Variants in MARCHF6 observed in about 807,000 individuals in gnomAD.
MARCHF6 encodes membrane associated ring-CH-type finger 6.
Under a neutral mutation model 133.7 loss-of-function variants are expected in MARCHF6, and 31 were observed. The observed-to-expected ratio is 0.23, with a 90% confidence interval of 0.17 to 0.31. MARCHF6 has a LOEUF of 0.31. Ranked by LOEUF, MARCHF6 falls within the 10% of genes least tolerant of loss-of-function variation. The pLI is 1.00. For missense variants in MARCHF6, 723 were observed against 1,121.6 expected (o/e 0.64, Z 5.08); for synonymous variants, 395 against 402.5 (o/e 0.98, Z 0.22).
intron 22 of MARCHF6, among the ~76,000 whole-genome samples, chr5:10,418,260 G>T (rs1397657776): frequency 6.6e-6 from 1 of 151,808 alleles, no homozygotes; most frequent in Non-Finnish European, 1.5e-5. Flanking sequence ...TGGGCATGTG[G>T]TCCCAGCTAC....
At chr5:10,423,155 T>G (rs557456439) in intron 22 of MARCHF6, among the ~76,000 whole-genome samples, 20 of 151,904 alleles carry the variant, frequency 1.3e-4, no homozygotes, top group Non-Finnish European at 2.5e-4. Context: ...AAAGAGATAC[T>G]TGGTGGTGGT....
chr5:10,360,107 A>G (rs751031088), intron 1 of MARCHF6, among the ~76,000 whole-genome samples: 1 of 146,868 alleles, frequency 6.8e-6, no homozygotes, highest in Non-Finnish European at 1.5e-5. Context: ...GTTTTCCATT[A>G]GTAGTTTTTC....
At chr5:10,433,531 CAT>C in intron 25 of MARCHF6, 61 bp from the exon 26 acceptor site, 1 of 1,228,160 alleles carries the variant, frequency 8.1e-7, no homozygotes, top group Non-Finnish European at 1.2e-6. Context: ...TTTAAAAAGA[CAT>C]ATGAATGTTT....
intron 1 of MARCHF6, among the ~76,000 whole-genome samples, chr5:10,375,248 C>T (rs535529682): frequency 7.2e-5 from 11 of 152,322 alleles, no homozygotes; most frequent in Admixed American, 5.2e-4. Flanking sequence ...GGCCTGCACT[C>T]GGAGCAGCCG....
chr5:10,392,925 A>T (rs1737961485), intron 7 of MARCHF6, among the ~76,000 whole-genome samples: 1 of 152,108 alleles, frequency 6.6e-6, no homozygotes, highest in Admixed American at 6.5e-5. Flanking sequence ...TTAGACACTG[A>T]GCATATAACT....
chr5:10,417,869 A>G (rs1307062444), intron 22 of MARCHF6, among the ~76,000 whole-genome samples: 1 of 151,988 alleles, frequency 6.6e-6, no homozygotes, highest in Non-Finnish European at 1.5e-5. Flanking sequence ...CTTTCAGAAT[A>G]TGCAGGTCTT....
chr5:10,407,761 G>A (rs748445526), intron 17 of MARCHF6, among the ~76,000 whole-genome samples: 5 of 152,154 alleles, frequency 3.3e-5, no homozygotes, highest in Admixed American at 6.5e-5. Context: ...TGAGACCAGC[G>A]TGACCAACAT....
intron 25 of MARCHF6, among the ~76,000 whole-genome samples, chr5:10,432,171 A>G (rs1184538856): frequency 2.0e-5 from 3 of 152,248 alleles, no homozygotes; most frequent in African/African-American, 7.2e-5. Context: ...ATAAAAGTCA[A>G]GGTAGAGAAG....
At chr5:10,422,532 G>A (rs1053702575) in intron 22 of MARCHF6, among the ~76,000 whole-genome samples, 1 of 152,146 alleles carries the variant, frequency 6.6e-6, no homozygotes, top group African/African-American at 2.4e-5. Flanking sequence ...CATAAGATCA[G>A]AGAATTTATA....
chr5:10,370,874 C>G (rs897601211), intron 1 of MARCHF6, among the ~76,000 whole-genome samples: 2 of 151,994 alleles, frequency 1.3e-5, no homozygotes, highest in Non-Finnish European at 2.9e-5. Flanking sequence ...ATGTTTTACT[C>G]GATGGAGCAG....
chr5:10,357,807 T>C (rs1735569355), intron 1 of MARCHF6, among the ~76,000 whole-genome samples: 1 of 152,186 alleles, frequency 6.6e-6, no homozygotes, highest in Non-Finnish European at 1.5e-5. Context: ...AGGAACAATA[T>C]AGAGAAAATC....
At chr5:10,411,657 T>G (rs1225253334) in intron 19 of MARCHF6, 120 bp downstream of exon 19, 87 of 648,910 alleles carry the variant, frequency 1.3e-4, no homozygotes, top group Non-Finnish European at 2.0e-4. Context: ...GTTCCACATT[T>G]TATTACCCTC....
intron 19 of MARCHF6, 85 bp downstream of exon 19, chr5:10,411,622 A>G: frequency 1.9e-6 from 2 of 1,026,122 alleles, no homozygotes; most frequent in Non-Finnish European, 2.9e-6. Context: ...TGGTGCTATT[A>G]GTATGCAGTC....
chr5:10,429,370 C>T (rs1012362344), intron 24 of MARCHF6, among the ~76,000 whole-genome samples: 1 of 149,782 alleles, frequency 6.7e-6, no homozygotes, highest in Non-Finnish European at 1.5e-5. Context: ...GCTTGTGGAA[C>T]ATGAGAAGTC....
At chr5:10,414,218 A>T (rs1375897910) in intron 19 of MARCHF6, among the ~76,000 whole-genome samples, 25 of 152,132 alleles carry the variant, frequency 1.6e-4, no homozygotes, top group Admixed American at 1.4e-3. Context: ...TACTTGTGGG[A>T]TGTATCTGAT....
At chr5:10,418,617 A>G (rs142304665) in intron 22 of MARCHF6, among the ~76,000 whole-genome samples, 190 of 152,316 alleles carry the variant, frequency 1.2e-3, no homozygotes, top group African/African-American at 4.3e-3. Flanking sequence ...GTATATTGCA[A>G]TGGATTTTTC....
intron 1 of MARCHF6, among the ~76,000 whole-genome samples, chr5:10,368,272 G>A (rs1434669531): frequency 6.6e-6 from 1 of 152,164 alleles, no homozygotes; most frequent in Non-Finnish European, 1.5e-5. Context: ...GTATAAAATA[G>A]GATCAGCTAA....
intron 1 of MARCHF6, among the ~76,000 whole-genome samples, chr5:10,365,527 C>T (rs772898030): frequency 8.7e-4 from 132 of 151,862 alleles, no homozygotes; most frequent in Non-Finnish European, 1.5e-3. Context: ...CATGAACTGC[C>T]GACCTCAGGT....
rs1463414035 is a variant in MARCHF6 at position 10,394,789 on chromosome 5, A to C, written c.861+4A>C. On this transcript the variant is annotated splice_donor_region_variant and intron_variant, in intron 9 of 25. Transcript: ENST00000274140. ...TGATGGATCACTAGTTTTTCTGGTA[A>C]GTAAAACTAATTTTTTTTTTTTTTT... is the stretch of plus-strand genomic sequence containing the variant. 1 of 1,556,306 alleles carries C rather than the reference A, an allele frequency of 6.4e-7. No individual in the cohort carries two copies. Among genetic ancestry groups the C allele is most frequent in the Admixed American group, 1.8e-5 (1 of 56,998 alleles).
Sources: allele counts gnomAD v4.1 joint callset (sites outside exome capture counted in the v4.1 genomes callset), GRCh38; gene constraint gnomAD v4.1.1; transcripts MANE v1.5; gene names NCBI Gene and HGNC (gene_info 2026-07-23, HGNC 2026-07-21).